Variants in SLC27A6 observed in about 807,000 individuals in gnomAD.
SLC27A6 encodes long-chain fatty acid transport protein 6.
SLC27A6 carries 74 observed loss-of-function variants against 63.9 expected under a neutral mutation model. The observed-to-expected ratio is 1.16, with a 90% CI of 0.96 to 1.40. SLC27A6 has a LOEUF of 1.40. Among genes scored for constraint, SLC27A6 ranks in the 40% most tolerant of loss-of-function variants. SLC27A6 has a pLI of 0.00. For missense variants in SLC27A6, 794 were observed against 732.9 expected, an observed-to-expected ratio of 1.08 and a Z score of -0.96; for synonymous variants, 287 against 260.8, an observed-to-expected ratio of 1.10 and a Z score of -0.97.
chr5:128,972,290 T>C (rs1046951033), intron 1 of SLC27A6, among the ~76,000 whole-genome samples: 1 of 152,196 alleles, frequency 6.6e-6, no homozygotes, highest in Non-Finnish European at 1.5e-5. Flanking sequence ...CTGTATTTCC[T>C]GAATTTGAAT....
intron 4 of SLC27A6, among the ~76,000 whole-genome samples, chr5:129,014,525 G>A (rs1480321626): frequency 6.6e-6 from 1 of 152,058 alleles, no homozygotes; most frequent in Non-Finnish European, 1.5e-5. Flanking sequence ...CTTTCTTCAT[G>A]GCCTCCAAAT....
At position 128,990,447 on chromosome 5, in the gene SLC27A6, C is replaced by T. The variant is rs1480988687; in HGVS notation, c.952C>T (p.Leu318Phe). 2 of 1,612,650 alleles carry T rather than the reference C, an allele frequency of 1.2e-6. No homozygotes were observed. The highest frequency in any genetic ancestry group is 2.2e-5 in the South Asian group (2 of 90,598). The change falls in exon 4 of 10, where the codon CTT (leucine) becomes TTT (phenylalanine). Residue 318 changes from leucine to phenylalanine, a missense_variant. By Grantham distance (22) the Leu-to-Phe change is conservative (BLOSUM62 0). Transcript: ENST00000262462. The part of the protein sequence containing the change: ...FQYIGELCRY[L>F]CKQSKREGEK... ...GTATATTGGAGAACTTTGTCGCTAC[C>T]TTTGCAAACAATCTAAGGTAGGCGT...
At chr5:129,017,731 A>C (rs1295416570) in intron 5 of SLC27A6, among the ~76,000 whole-genome samples, 1 of 152,182 alleles carries the variant, frequency 6.6e-6, no homozygotes, top group Non-Finnish European at 1.5e-5. Flanking sequence ...AGTTCATATC[A>C]ATAAACTTGA....
chr5:128,971,464 C>T (rs148464068), intron 1 of SLC27A6, among the ~76,000 whole-genome samples: 36,155 of 151,198 alleles, frequency 0.24, 4,862 homozygotes, highest in Middle Eastern at 0.32. Flanking sequence ...CATATATATT[C>T]AGGATAGTTA....
intron 1 of SLC27A6, among the ~76,000 whole-genome samples, chr5:128,977,124 G>A (rs17699303): frequency 0.085 from 12,924 of 152,172 alleles, 1,338 homozygotes; most frequent in East Asian, 0.56. Context: ...AAAAATATGC[G>A]AAGTAAATTA....
At chr5:129,021,003 G>C (rs548585698) in intron 5 of SLC27A6, among the ~76,000 whole-genome samples, 15 of 151,820 alleles carry the variant, frequency 9.9e-5, no homozygotes, top group African/African-American at 3.4e-4. Context: ...CTCATAGGAG[G>C]CTTGATGTCC....
chr5:129,028,373 G>A lies in SLC27A6; in HGVS notation c.1483G>A (p.Glu495Lys). The change falls in exon 8 of 10, where the codon GAG becomes AAG. Residue 495 changes from glutamate to lysine, a missense_variant. Physicochemically the swap from Glu to Lys is moderately conservative, Grantham distance 56. Transcript: ENST00000262462. ...RWKGENVATT[E>K]VADVIGMLDF... is the part of the protein sequence containing the mutation. ...GAAAGGAGAAAATGTCGCAACCACT[G>A]AGGTTGCTGATGTTATTGGAATGTT... is the stretch of plus-strand genomic sequence containing the variant. 6.2e-7 allele frequency: 1 copy of A among 1,610,894 alleles called. No homozygotes were observed. Among genetic ancestry groups the A allele is most frequent in the Non-Finnish European group, 8.5e-7 (1 of 1,177,626 alleles).
intron 9 of SLC27A6, among the ~76,000 whole-genome samples, chr5:129,030,155 C>T (rs12055160): frequency 0.22 from 34,029 of 151,804 alleles, 3,881 homozygotes; most frequent in Middle Eastern, 0.28. Flanking sequence ...GTCCAAATTC[C>T]CCCTCACCTG....
In SLC27A6 at chr5:129,015,866, A is replaced by G; in HGVS notation, c.970-19A>G. 3 of 1,542,776 alleles carry G rather than the reference A, an allele frequency of 1.9e-6. No homozygotes were observed. The highest frequency in any genetic ancestry group is 1.7e-6 in the Non-Finnish European group (2 of 1,145,908). On this transcript the variant is annotated intron_variant, in intron 4 of 9. Coordinates refer to ENST00000262462, the MANE Select transcript of SLC27A6 (RefSeq NM_001017372.3). The stretch of plus-strand genomic sequence containing the variant: ...TAGAAACTGGAACTAATTACAAGTA[A>G]AACATTTTCTTCTAACAGAGAGAAG...
intron 6 of SLC27A6, among the ~76,000 whole-genome samples, chr5:129,026,592 A>G (rs2150155269): frequency 6.6e-6 from 1 of 152,264 alleles, no homozygotes; most frequent in African/African-American, 2.4e-5. Flanking sequence ...TTTGAGTTAT[A>G]GGTCCATTTA....
chr5:128,993,401 T>G (rs1269948927), intron 4 of SLC27A6, among the ~76,000 whole-genome samples: 3 of 152,216 alleles, frequency 2.0e-5, no homozygotes, highest in African/African-American at 7.2e-5. Flanking sequence ...CCTCAGTGGT[T>G]TTTAATTAGA....
chr5:128,968,376 C>G, intron 1 of SLC27A6, among the ~76,000 whole-genome samples: 1 of 152,144 alleles, frequency 6.6e-6, no homozygotes, highest in Non-Finnish European at 1.5e-5. Flanking sequence ...ACACTCCCAC[C>G]AACAGTGTCA....
rs771074365 is a variant in SLC27A6, at chr5:128,988,755, T to G, written c.841T>G (p.Leu281Val). 6.2e-7 allele frequency: 1 copy of G among 1,609,686 alleles called. No homozygotes were observed. Among genetic ancestry groups the G allele is most frequent in the Non-Finnish European group, 8.5e-7 (1 of 1,178,424 alleles). ...CCTGGGAATTTCTGGATGTGTTGAG[T>G]TGGGTAAGGCTTTATTTTCTTTTTG... ...AILGISGCVELGATCVLKKKF... is the reference protein window; with the variant it reads ...AILGISGCVEVGATCVLKKKF... Residue 281 changes from leucine (L) to valine (V), a missense_variant, in exon 3 of 10, where the codon TTG (leucine) becomes GTG (valine). Physicochemically the swap from Leu to Val is conservative, Grantham distance 32. Transcript: ENST00000262462.
chr5:129,021,401 T>A (rs1752072946), intron 5 of SLC27A6, among the ~76,000 whole-genome samples: 1 of 152,144 alleles, frequency 6.6e-6, no homozygotes, highest in Non-Finnish European at 1.5e-5. Flanking sequence ...CCTCATGTAT[T>A]AATCAAGGAA....
intron 1 of SLC27A6, among the ~76,000 whole-genome samples, chr5:128,967,931 G>A (rs1749973885): frequency 1.3e-5 from 2 of 151,716 alleles, no homozygotes; most frequent in East Asian, 3.9e-4. Flanking sequence ...CCCACGACAG[G>A]CCCTGGTGTG....
intron 6 of SLC27A6, among the ~76,000 whole-genome samples, chr5:129,024,498 C>T (rs40977): frequency 0.22 from 33,614 of 151,838 alleles, 3,770 homozygotes; most frequent in Middle Eastern, 0.28. Context: ...TTATTGTGGA[C>T]GATTAAATGG....
At chr5:128,975,193 A>G (rs1750334892) in intron 1 of SLC27A6, among the ~76,000 whole-genome samples, 1 of 152,210 alleles carries the variant, frequency 6.6e-6, no homozygotes. Context: ...TCTACTAAAA[A>G]TACAAAAATT....
rs546727572 is a variant in SLC27A6, at chr5:129,028,497, C to G, written c.1552+55C>G. The G allele has an allele frequency of 2.9e-4, 310 of 1,063,378 alleles. 7 individuals carry two copies. The South Asian group carries it at 4.1e-3, about 14-fold the overall frequency. The allele number at this position is 1,063,378 out of a possible 1,614,324, so 65.9% of individuals were successfully genotyped here. A position where few individuals can be genotyped will look rare whatever the true frequency, so the allele number is the denominator to read the frequency against. ...TTCTTAGAATAGAATTGCCACTATTCTCTAGTTTTGCAACAGTCTTGCTAA... is the reference window on the plus strand; with the variant it reads ...TTCTTAGAATAGAATTGCCACTATTGTCTAGTTTTGCAACAGTCTTGCTAA... On this transcript the variant is annotated intron_variant, in intron 8 of 9. Transcript: ENST00000262462.
intron 4 of SLC27A6, among the ~76,000 whole-genome samples, chr5:129,001,848 G>A (rs1188732214): frequency 6.6e-6 from 1 of 152,244 alleles, no homozygotes; most frequent in East Asian, 1.9e-4. Context: ...TTGGAAGAAA[G>A]AGGCTTTGTT....
Sources: gnomAD v4.1 joint callset for allele counts (sites outside exome capture counted in the v4.1 genomes callset) on GRCh38, gnomAD v4.1.1 for gene constraint, MANE v1.5 for transcripts, NCBI Gene and HGNC (gene_info 2026-07-23, HGNC 2026-07-21) for gene names.